The following MECOM variants were observed in gnomAD, a reference collection of about 807,000 sequenced individuals.
The protein encoded by MECOM is histone-lysine N-methyltransferase MECOM.
In MECOM, 13 loss-of-function variants were observed where a neutral mutation model predicts 116.3. The ratio of observed to expected loss-of-function variants is 0.11; its 90% confidence interval spans 0.07 to 0.18. The LOEUF is 0.18. Ranked by LOEUF, MECOM falls within the 10% of genes least tolerant of loss-of-function variation. The pLI is 1.00. For synonymous variants in MECOM, 528 were observed against 535.2 expected (o/e 0.99, Z 0.19); for missense variants, 1,299 against 1,509.0 (o/e 0.86, Z 2.31).
intron 1 of MECOM, among the ~76,000 whole-genome samples, chr3:169,536,301 G>A (rs370574660): frequency 6.7e-6 from 1 of 149,770 alleles, no homozygotes; most frequent in Non-Finnish European, 1.5e-5. Context: ...ACCATATCTG[G>A]TGTAAAAGTT....
At chr3:169,551,711 A>C (rs1761424754) in intron 1 of MECOM, among the ~76,000 whole-genome samples, 1 of 152,266 alleles carries the variant, frequency 6.6e-6, no homozygotes, top group African/African-American at 2.4e-5. Flanking sequence ...CTAGGTCCAC[A>C]GCTAGCAGAA....
intron 2 of MECOM, among the ~76,000 whole-genome samples, chr3:169,309,562 A>G (rs921172851): frequency 6.6e-6 from 1 of 152,186 alleles, no homozygotes; most frequent in African/African-American, 2.4e-5. Flanking sequence ...CTTTATTATT[A>G]GGATTTTTAC....
rs866307966 is a variant in MECOM at position 169,633,912 on chromosome 3, A to C, written c.37+29424T>G. The stretch of plus-strand genomic sequence containing the variant: ...CAGTAGTGACCCTGGCAAAAAAAAA[A>C]AAAAAACAAAAAACAAACAGGCGAC... On this transcript the variant is annotated intron_variant, in intron 1 of 16. Coordinates refer to ENST00000651503, the MANE Select transcript of MECOM (RefSeq NM_004991.4). 5.7e-4 allele frequency among the ~76,000 whole-genome samples: 83 copies of C among 146,224 alleles called. No homozygotes were observed. In the South Asian group the frequency reaches 0.012, roughly 21 times the overall value.
At chr3:169,477,211 C>T (rs764883182) in intron 1 of MECOM, among the ~76,000 whole-genome samples, 8 of 142,492 alleles carry the variant, frequency 5.6e-5, no homozygotes, top group Admixed American at 3.6e-4. Context: ...TAGGTAGATT[C>T]CTAGTTAAAT....
rs1242107971 is a variant in MECOM at position 169,621,337 on chromosome 3, T to C, written c.37+41999A>G. 4.6e-5 allele frequency among the ~76,000 whole-genome samples: 7 copies of C among 152,242 alleles called. No individual in the cohort carries two copies. In the East Asian group the frequency reaches 5.8e-4, roughly 13 times the overall value. ...TGTGAGGACCAAGTGCACTGCTACA[T>C]GTCTTCAGAACAATGCTTGGCATGC... On this transcript the variant is annotated intron_variant, in intron 1 of 16. Coordinates refer to ENST00000651503, the MANE Select transcript of MECOM (RefSeq NM_004991.4).
At chr3:169,109,988 A>T (rs1277979226) in intron 9 of MECOM, among the ~76,000 whole-genome samples, 1 of 152,142 alleles carries the variant, frequency 6.6e-6, no homozygotes, top group Non-Finnish European at 1.5e-5. Context: ...TCCCTTTATT[A>T]TTATGATAAC....
At chr3:169,402,238 TG>T (rs897103641) in intron 1 of MECOM, among the ~76,000 whole-genome samples, 4 of 152,174 alleles carry the variant, frequency 2.6e-5, no homozygotes, top group Non-Finnish European at 5.9e-5. Flanking sequence ...TCCCAGGAAC[TG>T]GGACACATAT....
At chr3:169,369,166 C>A (rs1729666077) in intron 2 of MECOM, among the ~76,000 whole-genome samples, 1 of 151,974 alleles carries the variant, frequency 6.6e-6, no homozygotes, top group South Asian at 2.1e-4. Flanking sequence ...TGACATCTTT[C>A]ATAGAAGAAA....
chr3:169,524,267 T>C (rs182743220), intron 1 of MECOM, among the ~76,000 whole-genome samples: 2 of 152,174 alleles, frequency 1.3e-5, no homozygotes, highest in Admixed American at 1.3e-4. Context: ...AGGACCAAAG[T>C]CTTTAATCCT....
Position 169,102,235 on chromosome 3 carries a change from T to TAAA in MECOM, c.2605-12_2605-10dup. ...TTTTCAATAGCTGACATCTGAAAGGTAAAAGCACAAGACCATGAAGCGTTT... is the reference window on the plus strand; with the variant it reads ...TTTTCAATAGCTGACATCTGAAAGGTAAAAAAAGCACAAGACCATGAAGCGTTT... On this transcript the variant is annotated splice_polypyrimidine_tract_variant and intron_variant, in intron 10 of 16. Coordinates refer to ENST00000651503, the MANE Select transcript of MECOM (RefSeq NM_004991.4). 6.2e-7 allele frequency: 1 copy of TAAA among 1,610,806 alleles called. No individual in the cohort carries two copies. Among genetic ancestry groups the TAAA allele is most frequent in the Non-Finnish European group, 8.5e-7 (1 of 1,177,994 alleles).
At chr3:169,530,177 G>C (rs2109139166) in intron 1 of MECOM, among the ~76,000 whole-genome samples, 1 of 152,252 alleles carries the variant, frequency 6.6e-6, no homozygotes, top group Admixed American at 6.5e-5. Context: ...TTTCTAAGAA[G>C]GGAGCACAGC....
chr3:169,244,708 C>A (rs1400861504), intron 2 of MECOM, among the ~76,000 whole-genome samples: 2 of 152,112 alleles, frequency 1.3e-5, no homozygotes, highest in African/African-American at 4.8e-5. Context: ...AACCCAGAGG[C>A]GTGTACTAAA....
intron 2 of MECOM, among the ~76,000 whole-genome samples, chr3:169,351,362 A>G (rs1726294789): frequency 6.6e-6 from 1 of 151,856 alleles, no homozygotes; most frequent in Non-Finnish European, 1.5e-5. Flanking sequence ...TAGATATTTT[A>G]GTCAATAATT....
At chr3:169,629,314 T>A (rs189195436) in intron 1 of MECOM, among the ~76,000 whole-genome samples, 1 of 152,112 alleles carries the variant, frequency 6.6e-6, no homozygotes, top group Admixed American at 6.5e-5. Flanking sequence ...GGTTTTGTAA[T>A]AGAACACAAG....
At chr3:169,527,591 T>C (rs1018525109) in intron 1 of MECOM, among the ~76,000 whole-genome samples, 40 of 152,190 alleles carry the variant, frequency 2.6e-4, no homozygotes, top group Non-Finnish European at 1.0e-4. Context: ...CATCTGAATG[T>C]TTTTCTTAAT....
chr3:169,488,549 A>T (rs887969621), intron 1 of MECOM, among the ~76,000 whole-genome samples: 9 of 146,650 alleles, frequency 6.1e-5, no homozygotes, highest in African/African-American at 2.3e-4. Context: ...CTATCTCAGA[A>T]AATAAAAAAG....
At chr3:169,132,428 A>C (rs1470060049) in intron 3 of MECOM, among the ~76,000 whole-genome samples, 1 of 152,176 alleles carries the variant, frequency 6.6e-6, no homozygotes, top group Non-Finnish European at 1.5e-5. Flanking sequence ...GTTCATTTAA[A>C]AAAGCTTTTA....
chr3:169,444,334 C>T (rs1217686031), intron 1 of MECOM, among the ~76,000 whole-genome samples: 1 of 152,110 alleles, frequency 6.6e-6, no homozygotes, highest in Non-Finnish European at 1.5e-5. Context: ...ACCCAAATCT[C>T]CACTTGAATT....
intron 1 of MECOM, among the ~76,000 whole-genome samples, chr3:169,546,961 T>A (rs1448186250): frequency 6.6e-6 from 1 of 152,210 alleles, no homozygotes; most frequent in Non-Finnish European, 1.5e-5. Flanking sequence ...CAACACAGTA[T>A]AAATTTTTTA....
Sources: allele counts gnomAD v4.1 joint callset (sites outside exome capture counted in the v4.1 genomes callset), GRCh38; gene constraint gnomAD v4.1.1; transcripts MANE v1.5; gene names NCBI Gene and HGNC (gene_info 2026-07-23, HGNC 2026-07-21).